The following IL1RAPL1 variants were observed in gnomAD, a reference collection of about 807,000 sequenced individuals.
IL1RAPL1 encodes interleukin-1 receptor accessory protein-like 1.
In IL1RAPL1, 3 loss-of-function variants were observed where a neutral mutation model predicts 48.4. That is an observed-to-expected ratio of 0.06 (90% CI 0.03 to 0.16). The LOEUF (loss-of-function observed/expected upper bound fraction) is 0.16, where lower values mean the gene tolerates loss of function less well. Ranked by LOEUF, IL1RAPL1 falls within the 10% of genes least tolerant of loss-of-function variation. IL1RAPL1 has a pLI of 1.00. For missense variants in IL1RAPL1, 349 were observed against 530.6 expected, an observed-to-expected ratio of 0.66 and a Z score of 3.36; for synonymous variants, 185 against 187.7, an observed-to-expected ratio of 0.99 and a Z score of 0.12.
At chrX:29,930,463 T>C (rs555951421) in intron 8 of IL1RAPL1, among the ~76,000 whole-genome samples, 2 of 111,894 alleles carry the variant, frequency 1.8e-5, no homozygotes, top group Admixed American at 9.5e-5. Context: ...CATAGATCAA[T>C]TACCTATGTT....
At chrX:28,873,808 A>G (rs78723361) in intron 2 of IL1RAPL1, among the ~76,000 whole-genome samples, 4,879 of 106,662 alleles carry the variant, frequency 0.046, 167 homozygotes, top group African/African-American at 0.12. Flanking sequence ...TGGGATTACA[A>G]GCATGAGCCA....
chrX:28,762,689 T>C (rs1936185384), intron 1 of IL1RAPL1, among the ~76,000 whole-genome samples: 1 of 109,714 alleles, frequency 9.1e-6, no homozygotes, highest in Admixed American at 9.9e-5. Flanking sequence ...TTTGGCTCTG[T>C]AGAGTATTAG....
intron 9 of IL1RAPL1, among the ~76,000 whole-genome samples, chrX:29,952,447 C>T (rs751631609): frequency 1.9e-4 from 21 of 112,082 alleles, no homozygotes; most frequent in Non-Finnish European, 3.6e-4. Context: ...ATTTATTTGT[C>T]TGCATCTCCT....
chrX:29,256,023 G>A (rs1228125950), intron 2 of IL1RAPL1, among the ~76,000 whole-genome samples: 2 of 111,645 alleles, frequency 1.8e-5, no homozygotes, highest in African/African-American at 3.3e-5. Flanking sequence ...GGTTAACTGA[G>A]AAATCTCCAA....
At chrX:28,705,050 G>A (rs1000572851) in intron 1 of IL1RAPL1, among the ~76,000 whole-genome samples, 17 of 111,241 alleles carry the variant, frequency 1.5e-4, no homozygotes, top group Non-Finnish European at 3.2e-4. Flanking sequence ...ACTGCTTTTG[G>A]AAAATGTTTT....
intron 2 of IL1RAPL1, among the ~76,000 whole-genome samples, chrX:29,196,695 A>G (rs772388414): frequency 9.2e-6 from 1 of 108,786 alleles, no homozygotes; most frequent in South Asian, 4.1e-4. Flanking sequence ...TTTAACTAGA[A>G]CTCTGCAGGG....
At chrX:29,351,641 GC>G (rs1933231934) in intron 3 of IL1RAPL1, among the ~76,000 whole-genome samples, 1 of 112,080 alleles carries the variant, frequency 8.9e-6, no homozygotes, top group Admixed American at 9.5e-5. Context: ...TACATGGTAA[GC>G]CTTCTAATGT....
chrX:28,725,110 C>T (rs1935653016), intron 1 of IL1RAPL1, among the ~76,000 whole-genome samples: 1 of 109,397 alleles, frequency 9.1e-6, no homozygotes, highest in Non-Finnish European at 1.9e-5. Flanking sequence ...CGCACCACGC[C>T]CGGCTAATTT....
chrX:28,874,624 C>G (rs1922319999), intron 2 of IL1RAPL1, among the ~76,000 whole-genome samples: 1 of 111,993 alleles, frequency 8.9e-6, no homozygotes. Context: ...ATGTTTGTAT[C>G]AACTGAAATA....
At chrX:29,936,518 AACACACAC>A (rs55890071) in intron 8 of IL1RAPL1, among the ~76,000 whole-genome samples, 104 of 93,466 alleles carry the variant, frequency 1.1e-3, no homozygotes, top group East Asian at 3.0e-3. Flanking sequence ...TATATATAGG[AACACACAC>A]ACACACACAC....
At chrX:29,731,164 A>G (rs1927908237) in intron 6 of IL1RAPL1, among the ~76,000 whole-genome samples, 1 of 111,932 alleles carries the variant, frequency 8.9e-6, no homozygotes, top group African/African-American at 3.2e-5. Flanking sequence ...GAAAATTGGC[A>G]CACCTTTTTG....
chrX:28,932,143 T>G (rs1480706807), intron 2 of IL1RAPL1, among the ~76,000 whole-genome samples: 1 of 111,577 alleles, frequency 9.0e-6, no homozygotes, highest in Non-Finnish European at 1.9e-5. Flanking sequence ...CTTAAATATT[T>G]AACATTTCTC....
chrX:29,261,628 T>A (rs1243273464), intron 2 of IL1RAPL1, among the ~76,000 whole-genome samples: 2 of 111,119 alleles, frequency 1.8e-5, no homozygotes, highest in African/African-American at 3.3e-5. Context: ...ATCCACCTTT[T>A]TAAAAAAATA....
At chrX:29,871,826 C>T (rs192947674) in intron 6 of IL1RAPL1, among the ~76,000 whole-genome samples, 27 of 111,045 alleles carry the variant, frequency 2.4e-4, no homozygotes, top group Middle Eastern at 4.6e-3. Context: ...CAGGTTCAAG[C>T]GATTCTCCTG....
chrX:29,738,031 T>C (rs1204763013), intron 6 of IL1RAPL1, among the ~76,000 whole-genome samples: 1 of 112,308 alleles, frequency 8.9e-6, no homozygotes, highest in Non-Finnish European at 1.9e-5. Flanking sequence ...GAGATTTAAA[T>C]TTCAAAGTGA....
chrX:29,901,413 G>T (rs183299914), intron 6 of IL1RAPL1, among the ~76,000 whole-genome samples: 1 of 111,957 alleles, frequency 8.9e-6, no homozygotes, highest in South Asian at 3.8e-4. Flanking sequence ...AAAAGATAAG[G>T]CAGTGTTTGG....
chrX:29,115,376 A>T (rs1182086535), intron 2 of IL1RAPL1, among the ~76,000 whole-genome samples: 18 of 111,529 alleles, frequency 1.6e-4, no homozygotes. Context: ...AAGCTCCCAG[A>T]TTTGATTAGT....
intron 5 of IL1RAPL1, among the ~76,000 whole-genome samples, chrX:29,541,190 C>T (rs771055295): frequency 6.3e-5 from 7 of 111,861 alleles, no homozygotes; most frequent in Middle Eastern, 4.6e-3. Context: ...TGCTCAAAAT[C>T]GCTCTTAGTC....
At chrX:29,366,305 A>G (rs950224194) in intron 3 of IL1RAPL1, among the ~76,000 whole-genome samples, 9 of 110,003 alleles carry the variant, frequency 8.2e-5, no homozygotes, top group Non-Finnish European at 1.7e-4. Flanking sequence ...GGATAACTGT[A>G]TGCTGATAGA....
Sources: allele counts gnomAD v4.1 joint callset (sites outside exome capture counted in the v4.1 genomes callset), GRCh38; gene constraint gnomAD v4.1.1; transcripts MANE v1.5; gene names NCBI Gene and HGNC (gene_info 2026-07-23, HGNC 2026-07-21).